The following GASK1B variants were observed in gnomAD, a reference collection of about 807,000 sequenced individuals.
GASK1B encodes the protein Golgi-associated kinase 1B.
GASK1B carries 34 observed loss-of-function variants against 42.8 expected under a neutral mutation model. The observed-to-expected ratio is 0.79, with a 90% CI of 0.60 to 1.06. The LOEUF (loss-of-function observed/expected upper bound fraction) is 1.06, where lower values mean the gene tolerates loss of function less well. Among genes scored for constraint, GASK1B ranks in the 50% least tolerant of loss-of-function variants. The pLI is 0.00. For missense variants in GASK1B, 686 were observed against 661.0 expected, an observed-to-expected ratio of 1.04 and a Z score of -0.42; for synonymous variants, 262 against 259.1, an observed-to-expected ratio of 1.01 and a Z score of -0.11.
Position 158,171,390 on chromosome 4 carries a change from C to A in GASK1B, c.-15G>T. The A allele has an allele frequency of 6.5e-7, 1 of 1,541,382 alleles. No individual in the cohort carries two copies. The highest frequency in any genetic ancestry group is 1.2e-5 in the South Asian group (1 of 81,278). On this transcript the variant is annotated 5_prime_UTR_variant, in exon 2 of 5. Coordinates refer to ENST00000585682, the MANE Select transcript of GASK1B (RefSeq NM_001128424.2). ...GGACAGGTCATTTCTCTGCCGCATC[C>A]ACATGTTGAACGGAGTTTAAAGTCT...
At chr4:158,165,852 T>TA (rs1334889117) in intron 2 of GASK1B, among the ~76,000 whole-genome samples, 1 of 152,152 alleles carries the variant, frequency 6.6e-6, no homozygotes, top group African/African-American at 2.4e-5. Flanking sequence ...TTCCCCTATT[T>TA]AAAATAAGAG....
At chr4:158,154,993 C>T (rs1374488160) in intron 3 of GASK1B, among the ~76,000 whole-genome samples, 1 of 151,994 alleles carries the variant, frequency 6.6e-6, no homozygotes, top group African/African-American at 2.4e-5. Flanking sequence ...CCTGTCCCCC[C>T]AAAACCTATT....
rs997298174 is a variant in GASK1B, at chr4:158,171,328, G to A, written c.48C>T (p.Cys16=). The A allele has an allele frequency of 7.4e-6, 12 of 1,611,158 alleles. No individual in the cohort carries two copies. Among genetic ancestry groups the A allele is most frequent in the Non-Finnish European group, 1.0e-5 (12 of 1,178,432 alleles). The stretch of plus-strand genomic sequence containing the variant: ...TACGCACCCGCGGGACGCACAGGGA[G>A]CAGATGAACCAGTTTATGAGCTGCC... ...KPGQLINWFI[C]SLCVPRVRKL... is the part of the protein sequence containing the mutation. Residue 16 remains cysteine, a synonymous_variant, in exon 2 of 5, where the codon TGC becomes TGT. Transcript: ENST00000585682.
At chr4:158,141,219 CTA>C (rs1161206393) in intron 3 of GASK1B, among the ~76,000 whole-genome samples, 3 of 151,852 alleles carry the variant, frequency 2.0e-5, no homozygotes, top group Middle Eastern at 3.4e-3. Context: ...TGTGAGGAAT[CTA>C]TATGTTTCTT....
intron 2 of GASK1B, among the ~76,000 whole-genome samples, chr4:158,162,913 G>A (rs561661882): frequency 6.6e-6 from 1 of 152,348 alleles, no homozygotes; most frequent in South Asian, 2.1e-4. Flanking sequence ...TGAGGAATGA[G>A]GCTGAGTCCT....
chr4:158,165,383 G>A (rs1732190767), intron 2 of GASK1B, among the ~76,000 whole-genome samples: 1 of 152,096 alleles, frequency 6.6e-6, no homozygotes, highest in African/African-American at 2.4e-5. Flanking sequence ...AGTATCTGGT[G>A]ACTTTTATAA....
chr4:158,149,668 C>G (rs936190037), intron 3 of GASK1B, among the ~76,000 whole-genome samples: 2 of 152,112 alleles, frequency 1.3e-5, no homozygotes, highest in African/African-American at 4.8e-5. Context: ...GAACTTTTAC[C>G]TACTTCACTC....
intron 3 of GASK1B, among the ~76,000 whole-genome samples, chr4:158,145,071 C>T (rs1731278656): frequency 6.6e-6 from 1 of 152,048 alleles, no homozygotes; most frequent in Non-Finnish European, 1.5e-5. Context: ...ATCAAGGGGG[C>T]CATAGTTGGA....
chr4:158,135,097 C>T (rs1730831583), intron 3 of GASK1B, among the ~76,000 whole-genome samples: 1 of 152,050 alleles, frequency 6.6e-6, no homozygotes, highest in African/African-American at 2.4e-5. Flanking sequence ...CTTTGGAAGG[C>T]TGAGGTGGGT....
At chr4:158,136,006 G>A (rs1730876431) in intron 3 of GASK1B, among the ~76,000 whole-genome samples, 1 of 152,082 alleles carries the variant, frequency 6.6e-6, no homozygotes, top group African/African-American at 2.4e-5. Flanking sequence ...TTTTGAAATG[G>A]AAAATACCAG....
chr4:158,147,053 A>G (rs1299958097), intron 3 of GASK1B, among the ~76,000 whole-genome samples: 1 of 152,206 alleles, frequency 6.6e-6, no homozygotes, highest in Non-Finnish European at 1.5e-5. Flanking sequence ...CTCTGGCATC[A>G]TAGAGCAAGT....
intron 2 of GASK1B, among the ~76,000 whole-genome samples, chr4:158,162,993 T>G (rs550349502): frequency 6.6e-6 from 1 of 152,334 alleles, no homozygotes; most frequent in East Asian, 1.9e-4. Context: ...TATATTATTC[T>G]TTCATCCTCA....
At chr4:158,137,612 T>C (rs1275003969) in intron 3 of GASK1B, among the ~76,000 whole-genome samples, 3 of 152,070 alleles carry the variant, frequency 2.0e-5, no homozygotes, top group African/African-American at 7.2e-5. Context: ...GGACACTAGA[T>C]TGTAAAGAAT....
intron 4 of GASK1B, among the ~76,000 whole-genome samples, chr4:158,128,165 A>G (rs188023901): frequency 2.0e-5 from 3 of 152,286 alleles, no homozygotes; most frequent in Admixed American, 2.0e-4. Context: ...TTAAAGAAAG[A>G]ATTGTCTCTG....
intron 2 of GASK1B, among the ~76,000 whole-genome samples, chr4:158,165,842 T>C (rs1400681368): frequency 6.6e-6 from 1 of 152,136 alleles, no homozygotes; most frequent in East Asian, 1.9e-4. Context: ...AGCCTCAGGA[T>C]TCCCCTATTT....
intron 3 of GASK1B, among the ~76,000 whole-genome samples, chr4:158,137,173 G>C (rs1730926200): frequency 6.6e-6 from 1 of 152,140 alleles, no homozygotes. Flanking sequence ...ACTAACCATG[G>C]ATAACGAATT....
intron 2 of GASK1B, 37 bp downstream of exon 2, chr4:158,170,429 C>T: frequency 6.2e-7 from 1 of 1,614,174 alleles, no homozygotes; most frequent in South Asian, 1.1e-5. Context: ...CCAGAATCCC[C>T]AACAGCTGCA....
At chr4:158,145,374 T>C (rs977009630) in intron 3 of GASK1B, among the ~76,000 whole-genome samples, 6 of 152,166 alleles carry the variant, frequency 3.9e-5, no homozygotes, top group African/African-American at 1.2e-4. Context: ...AGGCAAGGCA[T>C]ACCAACTCAT....
intron 3 of GASK1B, among the ~76,000 whole-genome samples, chr4:158,139,928 A>G (rs1342507863): frequency 2.0e-5 from 3 of 152,230 alleles, no homozygotes; most frequent in Non-Finnish European, 4.4e-5. Context: ...CACACAGGAT[A>G]TTAAAAAGAC....
Sources: gnomAD v4.1 joint callset for allele counts (sites outside exome capture counted in the v4.1 genomes callset) on GRCh38, gnomAD v4.1.1 for gene constraint, MANE v1.5 for transcripts, NCBI Gene and HGNC (gene_info 2026-07-23, HGNC 2026-07-21) for gene names.